SH3KBP1: variants seen among roughly 807,000 people sequenced by gnomAD.
SH3KBP1 encodes SH3 domain containing kinase binding protein 1, also known as SH3 domain-containing kinase-binding protein 1.
Under a neutral mutation model 50.1 loss-of-function variants are expected in SH3KBP1, and 8 were observed. The ratio of observed to expected loss-of-function variants is 0.16; its 90% CI spans 0.09 to 0.29. The LOEUF (loss-of-function observed/expected upper bound fraction) is 0.29, where lower values mean the gene tolerates loss of function less well. Among genes scored for constraint, SH3KBP1 ranks in the 10% least tolerant of loss-of-function variants. SH3KBP1 has a pLI of 1.00. For synonymous variants in SH3KBP1, 227 were observed against 218.6 expected (o/e 1.04, Z -0.34); for missense variants, 377 against 535.2 (o/e 0.70, Z 2.92).
chrX:19,664,542 A>G (rs997909054), intron 6 of SH3KBP1: 5 of 111,977 alleles, frequency 4.5e-5, no homozygotes, highest in African/African-American at 1.3e-4. Flanking sequence ...TTCTCCTGCC[A>G]GATGACCTAT....
At chrX:19,655,681 AG>A (rs750812988) in intron 6 of SH3KBP1, among the ~76,000 whole-genome samples, 1 of 110,912 alleles carries the variant, frequency 9.0e-6, no homozygotes, top group East Asian at 2.8e-4. Context: ...GGAGGAAGGG[AG>A]GGGGGCAAGG....
chrX:19,650,935 A>T (rs1207504354), intron 6 of SH3KBP1, among the ~76,000 whole-genome samples: 2 of 112,210 alleles, frequency 1.8e-5, no homozygotes, highest in Non-Finnish European at 3.8e-5. Context: ...CAGTGACAGG[A>T]GGAGGGTCAA....
intron 4 of SH3KBP1, among the ~76,000 whole-genome samples, chrX:19,700,625 C>T (rs1365156668): frequency 9.0e-6 from 1 of 111,679 alleles, no homozygotes; most frequent in Non-Finnish European, 1.9e-5. Flanking sequence ...GAAAATAATA[C>T]AAATTATTTC....
intron 2 of SH3KBP1, among the ~76,000 whole-genome samples, chrX:19,791,320 G>A (rs999645168): frequency 7.2e-5 from 8 of 111,073 alleles, no homozygotes; most frequent in African/African-American, 2.6e-4. Flanking sequence ...TGTATCCTAT[G>A]GATAGACTCA....
At chrX:19,671,460 G>A (rs1351137642) in intron 6 of SH3KBP1, among the ~76,000 whole-genome samples, 1 of 110,295 alleles carries the variant, frequency 9.1e-6, no homozygotes, top group African/African-American at 3.3e-5. Context: ...CTCCCCCTAG[G>A]AAAAATACAG....
intron 1 of SH3KBP1, among the ~76,000 whole-genome samples, chrX:19,838,403 T>C (rs2147440761): frequency 9.0e-6 from 1 of 111,627 alleles, no homozygotes; most frequent in African/African-American, 3.3e-5. Flanking sequence ...AGCTAATAAT[T>C]CCCATCTGAT....
intron 12 of SH3KBP1, among the ~76,000 whole-genome samples, chrX:19,585,374 G>A (rs1226892837): frequency 8.9e-6 from 1 of 111,891 alleles, no homozygotes; most frequent in African/African-American, 3.3e-5. Context: ...GCTCGACACC[G>A]TAAGGCATGT....
chrX:19,654,132 TG>T (rs2148446367), intron 6 of SH3KBP1, among the ~76,000 whole-genome samples: 1 of 111,974 alleles, frequency 8.9e-6, no homozygotes, highest in Non-Finnish European at 1.9e-5. Flanking sequence ...CATGTGTGTC[TG>T]TGTGTATACC....
At chrX:19,562,674 C>T (rs749191191) in intron 13 of SH3KBP1, among the ~76,000 whole-genome samples, 8 of 111,065 alleles carry the variant, frequency 7.2e-5, no homozygotes, top group South Asian at 3.9e-4. Context: ...GAGATGCAGG[C>T]GACCACATTA....
At chrX:19,742,518 G>A (rs905913191) in intron 3 of SH3KBP1, among the ~76,000 whole-genome samples, 1 of 110,901 alleles carries the variant, frequency 9.0e-6, no homozygotes, top group Non-Finnish European at 1.9e-5. Flanking sequence ...TCAAACTTCC[G>A]TTTTATTCAA....
chrX:19,550,309 A>G (rs1198760567), intron 13 of SH3KBP1, among the ~76,000 whole-genome samples: 1 of 111,771 alleles, frequency 8.9e-6, no homozygotes, highest in African/African-American at 3.3e-5. Flanking sequence ...AAGAGAGAGA[A>G]ACAGGATTTT....
At chrX:19,704,325 A>G (rs1011000618) in intron 4 of SH3KBP1, among the ~76,000 whole-genome samples, 1 of 112,599 alleles carries the variant, frequency 8.9e-6, no homozygotes, top group African/African-American at 3.2e-5. Context: ...TTCTCCTTTA[A>G]GCAATCAACG....
chrX:19,828,266 T>C (rs1012486025), intron 2 of SH3KBP1, among the ~76,000 whole-genome samples: 3 of 111,647 alleles, frequency 2.7e-5, no homozygotes, highest in Non-Finnish European at 5.6e-5. Context: ...ACTGAGGTTT[T>C]TTTTTTTTCC....
chrX:19,835,991 C>T (rs776112328), intron 2 of SH3KBP1, 134 bp downstream of exon 2: 1 of 594,640 alleles, frequency 1.7e-6, no homozygotes, highest in South Asian at 3.0e-5. Flanking sequence ...ACTATACATG[C>T]TTCTCTTGAT....
chrX:19,866,712 A>G (rs2068919640), intron 1 of SH3KBP1, among the ~76,000 whole-genome samples: 1 of 109,433 alleles, frequency 9.1e-6, no homozygotes, highest in African/African-American at 3.3e-5. Context: ...AAAAGAAAAG[A>G]AAAAAAAGAA....
rs1390273924 is a variant in SH3KBP1, at chrX:19,535,490, A to C, written c.*927T>G. ...GCAAAAGGTGCAAAGGACAGAAAGCAGGGGTTTAACTTGGCTGATGAAAAA... is the reference window on the plus strand; with the variant it reads ...GCAAAAGGTGCAAAGGACAGAAAGCCGGGGTTTAACTTGGCTGATGAAAAA... On this transcript the variant is annotated 3_prime_UTR_variant, in exon 18 of 18. Transcript: ENST00000397821. 8.9e-6 allele frequency: 1 copy of C among 112,653 alleles called. No individual in the cohort carries two copies. The highest frequency in any genetic ancestry group is 3.2e-5 in the African/African-American group (1 of 30,902). The allele number at this position is 112,653 out of a possible 1,213,427, so 9.3% of individuals were successfully genotyped here.
intron 1 of SH3KBP1, among the ~76,000 whole-genome samples, chrX:19,887,098 G>T (rs1434444621): frequency 1.8e-5 from 2 of 111,621 alleles, no homozygotes; most frequent in Non-Finnish European, 3.8e-5. Flanking sequence ...GCCCCCGCGG[G>T]TTCCCGTCGG....
intron 13 of SH3KBP1, among the ~76,000 whole-genome samples, chrX:19,558,553 T>C (rs930440296): frequency 9.8e-5 from 11 of 112,054 alleles, no homozygotes; most frequent in African/African-American, 3.6e-4. Flanking sequence ...CAGTTGGAAA[T>C]TTTACATCCT....
intron 8 of SH3KBP1, among the ~76,000 whole-genome samples, chrX:19,627,454 G>A (rs1184079789): frequency 8.9e-6 from 1 of 112,449 alleles, no homozygotes; most frequent in East Asian, 2.8e-4. Flanking sequence ...GCAGGGATGG[G>A]GGTGGCAGGA....
Sources: allele counts gnomAD v4.1 joint callset (sites outside exome capture counted in the v4.1 genomes callset), GRCh38; gene constraint gnomAD v4.1.1; transcripts MANE v1.5; gene names NCBI Gene and HGNC (gene_info 2026-07-23, HGNC 2026-07-21).